MS4A12: variants seen among roughly 807,000 people sequenced by gnomAD.
The protein encoded by MS4A12 is membrane-spanning 4-domains subfamily A member 12.
A neutral mutation model predicts 23.7 loss-of-function variants in MS4A12; 28 were observed. The ratio of observed to expected loss-of-function variants is 1.18; its 90% CI spans 0.88 to 1.62. The LOEUF is 1.62. MS4A12 is among the 40% of genes most tolerant of loss of function. The probability of loss-of-function intolerance (pLI) is 0.00; values close to 1 mark genes in which losing one functional copy is unlikely to be tolerated. For synonymous variants in MS4A12, 108 were observed against 110.1 expected (o/e 0.98, Z 0.12); for missense variants, 342 against 327.0 (o/e 1.05, Z -0.35).
intron 2 of MS4A12, among the ~76,000 whole-genome samples, chr11:60,498,700 G>T (rs1176190467): frequency 6.6e-6 from 1 of 152,184 alleles, no homozygotes; most frequent in Non-Finnish European, 1.5e-5. Flanking sequence ...AAACAAAGAA[G>T]TGTAAAAGGG....
In MS4A12 at chr11:60,496,924, A is replaced by C. The variant is rs183309824; in HGVS notation, c.-6-389A>C. Among the ~76,000 whole-genome samples the C allele has an allele frequency of 3.9e-4, 59 of 152,320 alleles. No individual in the cohort carries two copies. In the East Asian group the frequency reaches 0.011, roughly 28 times the overall value. ...TGAGGGATGGTTTCAGGATGAAACTATTCCACCTCAGGTCATCAGGAATTA... is the reference window on the plus strand; with the variant it reads ...TGAGGGATGGTTTCAGGATGAAACTCTTCCACCTCAGGTCATCAGGAATTA... On this transcript the variant is annotated intron_variant, in intron 1 of 6. Coordinates refer to ENST00000016913, the MANE Select transcript of MS4A12 (RefSeq NM_017716.3).
intron 2 of MS4A12, among the ~76,000 whole-genome samples, chr11:60,498,520 T>G (rs1016321843): frequency 1.5e-4 from 23 of 152,120 alleles, no homozygotes; most frequent in Admixed American, 6.5e-5. Flanking sequence ...TGGGACAAAC[T>G]AACACCCCAT....
At position 60,503,327 on chromosome 11, in the gene MS4A12, A is replaced by T. The variant is rs61900765; in HGVS notation, c.472-374A>T. On this transcript the variant is annotated intron_variant, in intron 4 of 6. Transcript: ENST00000016913. ...TACTACCTCATTCAAAGGCTGTAAGAGTTGAGATAATTTAAATAATTTAAC... is the reference window on the plus strand; with the variant it reads ...TACTACCTCATTCAAAGGCTGTAAGTGTTGAGATAATTTAAATAATTTAAC... 6.6e-3 allele frequency among the ~76,000 whole-genome samples: 1,001 copies of T among 152,340 alleles called. 6 individuals are homozygous for T. Among genetic ancestry groups the T allele is most frequent in the Middle Eastern group, 0.034 (10 of 294 alleles).
At chr11:60,506,660 T>C (rs1565206095) in intron 5 of MS4A12, 68 bp from the exon 6 acceptor site, 2 of 1,203,390 alleles carry the variant, frequency 1.7e-6, no homozygotes, top group African/African-American at 1.5e-5. Context: ...GATGAGTCAA[T>C]AACTTTTTGA....
chr11:60,502,139 G>C, intron 4 of MS4A12, 100 bp downstream of exon 4: 1 of 1,214,890 alleles, frequency 8.2e-7, no homozygotes, highest in Non-Finnish European at 1.2e-6. Flanking sequence ...GCAAAAGGGA[G>C]CACCTTTCCC....
chr11:60,503,847 G>A (rs778833410), intron 5 of MS4A12, 30 bp downstream of exon 5: 1 of 1,578,578 alleles, frequency 6.3e-7, no homozygotes, highest in Non-Finnish European at 8.7e-7. Context: ...CCATGTGCCT[G>A]CTCTATTTTC....
At chr11:60,494,804 A>G (rs968361215) in intron 1 of MS4A12, among the ~76,000 whole-genome samples, 9 of 152,318 alleles carry the variant, frequency 5.9e-5, no homozygotes, top group Middle Eastern at 3.4e-3. Context: ...GACTTAGTGA[A>G]GTAGCAGATT....
intron 2 of MS4A12, 116 bp downstream of exon 2, chr11:60,497,710 T>C: frequency 1.7e-6 from 2 of 1,152,248 alleles, no homozygotes; most frequent in African/African-American, 1.6e-5. Context: ...AAATTATCTC[T>C]TTTAGACAGA....
intron 1 of MS4A12, among the ~76,000 whole-genome samples, chr11:60,493,904 C>T (rs2086468403): frequency 6.6e-6 from 1 of 152,110 alleles, no homozygotes; most frequent in East Asian, 1.9e-4. Flanking sequence ...TAGTCTTATA[C>T]TTTTGATCTC....
intron 2 of MS4A12, among the ~76,000 whole-genome samples, chr11:60,498,875 T>C (rs2086509719): frequency 6.6e-6 from 1 of 152,024 alleles, no homozygotes; most frequent in Non-Finnish European, 1.5e-5. Context: ...AAAATGTCTT[T>C]GAGGTATTTG....
In MS4A12 at chr11:60,507,283, T is replaced by C; in HGVS notation, c.*159T>C. 1.6e-6 allele frequency: 1 copy of C among 619,458 alleles called. No homozygotes were observed. Among genetic ancestry groups the C allele is most frequent in the East Asian group, 2.7e-5 (1 of 36,478 alleles). The allele number at this position is 619,458 out of a possible 1,614,324, so 38.4% of individuals were successfully genotyped here. On this transcript the variant is annotated 3_prime_UTR_variant, in exon 7 of 7. Transcript: ENST00000016913. Reference sequence around the variant, plus strand: ...GTCGCTAATGATGGCTGTATCTCCCTTCACTGTCTCTTCCTACATTACCAC... The same window carrying C: ...GTCGCTAATGATGGCTGTATCTCCCCTCACTGTCTCTTCCTACATTACCAC...
intron 6 of MS4A12, 39 bp from the exon 7 acceptor site, chr11:60,506,981 G>A (rs2086575731): frequency 6.4e-7 from 1 of 1,565,444 alleles, no homozygotes; most frequent in Non-Finnish European, 8.8e-7. Context: ...GCATAGGATT[G>A]TAGTAACCAT....
At chr11:60,497,213 C>A in intron 1 of MS4A12, 100 bp from the exon 2 acceptor site, 1 of 1,339,314 alleles carries the variant, frequency 7.5e-7, no homozygotes, top group Non-Finnish European at 1.0e-6. Flanking sequence ...CACTTGTTCT[C>A]TCCATTTGCA....
chr11:60,495,288 A>G (rs2086480221), intron 1 of MS4A12, among the ~76,000 whole-genome samples: 4 of 149,126 alleles, frequency 2.7e-5, no homozygotes, highest in Admixed American at 2.0e-4. Context: ...TTCCATTTTG[A>G]AAAAAAAAAT....
chr11:60,503,686 T>C lies in MS4A12; in HGVS notation c.472-15T>C. 2 of 1,594,042 alleles carry C rather than the reference T, an allele frequency of 1.3e-6. No homozygotes were observed. The highest frequency in any genetic ancestry group is 2.2e-5 in the South Asian group (2 of 89,288). ...ATCCTGTATATAATTGATTTTTTCC[T>C]GCCATCTCCATTAGGTGAAAGGCAG... On this transcript the variant is annotated splice_polypyrimidine_tract_variant and intron_variant, in intron 4 of 6. Transcript: ENST00000016913.
intron 1 of MS4A12, among the ~76,000 whole-genome samples, chr11:60,493,595 CAATTAA>C (rs2086465592): frequency 6.6e-6 from 1 of 152,006 alleles, no homozygotes; most frequent in Non-Finnish European, 1.5e-5. Context: ...GACAAGAAAA[CAATTAA>C]AATTAAAATA....
intron 1 of MS4A12, among the ~76,000 whole-genome samples, chr11:60,493,683 T>C (rs143382368): frequency 5.6e-4 from 85 of 152,362 alleles, no homozygotes; most frequent in Middle Eastern, 3.4e-3. Context: ...TACCTGTGGA[T>C]GTACTGGGTG....
intron 5 of MS4A12, among the ~76,000 whole-genome samples, 164 bp from the exon 6 acceptor site, chr11:60,506,564 A>C (rs59239646): frequency 0.012 from 1,884 of 152,356 alleles, 43 homozygotes; most frequent in African/African-American, 0.043. Context: ...AAAATCCAAA[A>C]TAAATTCACA....
intron 2 of MS4A12, chr11:60,498,081 C>T (rs2086503394): frequency 6.4e-6 from 1 of 155,108 alleles, no homozygotes; most frequent in African/African-American, 2.4e-5. Context: ...CTTAGAGATG[C>T]TACAGTTTAA....
Sources: allele counts gnomAD v4.1 joint callset (sites outside exome capture counted in the v4.1 genomes callset), GRCh38; gene constraint gnomAD v4.1.1; transcripts MANE v1.5; gene names NCBI Gene and HGNC (gene_info 2026-07-23, HGNC 2026-07-21).